Variants in KCNC4 observed in about 807,000 individuals in gnomAD.
The protein encoded by KCNC4 is potassium voltage-gated channel subfamily C member 4.
KCNC4 carries 23 observed loss-of-function variants against 42.8 expected under a neutral mutation model. The ratio of observed to expected loss-of-function variants is 0.54; its 90% confidence interval spans 0.39 to 0.76. The LOEUF is 0.76. Among genes scored for constraint, KCNC4 ranks in the 30% least tolerant of loss-of-function variants. The probability of loss-of-function intolerance (pLI) is 0.00; values close to 1 mark genes in which losing one functional copy is unlikely to be tolerated. For synonymous variants in KCNC4, 422 were observed against 393.5 expected, an observed-to-expected ratio of 1.07 and a Z score of -0.86; for missense variants, 751 against 898.2, an observed-to-expected ratio of 0.84 and a Z score of 2.10.
At chr1:110,226,995 C>G (rs1658431522) in intron 3 of KCNC4, among the ~76,000 whole-genome samples, 1 of 152,188 alleles carries the variant, frequency 6.6e-6, no homozygotes, top group African/African-American at 2.4e-5. Flanking sequence ...GGTCTTAGGA[C>G]CAGGCCCTCC....
intron 2 of KCNC4, chr1:110,224,470 A>G (rs543587931): frequency 6.5e-6 from 1 of 154,210 alleles, no homozygotes; most frequent in East Asian, 1.9e-4. Context: ...TGATAACGTA[A>G]TAGCAGTGGG....
At chr1:110,250,762 C>T (rs1659236587), downstream of KCNC4, among the ~76,000 whole-genome samples, 3 of 152,122 alleles carry the variant, frequency 2.0e-5, no homozygotes, top group South Asian at 6.2e-4. Context: ...GAAAGGAAGA[C>T]CCCCTACACA....
intron 1 of KCNC4, chr1:110,219,673 C>A (rs1371654706): frequency 6.6e-6 from 1 of 152,194 alleles, no homozygotes; most frequent in African/African-American, 2.4e-5. Flanking sequence ...GCAACCACCT[C>A]TTCTTCCCTT....
At chr1:110,264,092 C>G (rs1659499775) in intron 1 of KCNC4, among the ~76,000 whole-genome samples, 1 of 152,132 alleles carries the variant, frequency 6.6e-6, no homozygotes, top group Non-Finnish European at 1.5e-5. Flanking sequence ...GACATTGGGA[C>G]TGCAATGAAA....
Position 110,233,338 on chromosome 1 carries a change from G to A in KCNC4, c.*366G>A, listed in dbSNP as rs1312188883. 6.0e-6 allele frequency: 2 copies of A among 333,500 alleles called. No individual in the cohort carries two copies. The highest frequency in any genetic ancestry group is 4.6e-5 in the Admixed American group (1 of 21,824). 20.7% of individuals were successfully genotyped at this position (333,500 alleles called of 1,614,324 possible). ...CTGATTTCTGTTGTTTCTGCTGACTGTGTGGGTGGAATGTCCCAAGAAAAG... is the reference window on the plus strand; with the variant it reads ...CTGATTTCTGTTGTTTCTGCTGACTATGTGGGTGGAATGTCCCAAGAAAAG... On this transcript the variant is annotated 3_prime_UTR_variant, in exon 4 of 4. Transcript: ENST00000438661.
chr1:110,273,190 G>A (rs1659664612), intron 1 of KCNC4, among the ~76,000 whole-genome samples: 1 of 152,204 alleles, frequency 6.6e-6, no homozygotes, highest in African/African-American at 2.4e-5. Flanking sequence ...TTGACCTGGT[G>A]TGGTCCCTAG....
chr1:110,215,600 G>C (rs1657754830), intron 1 of KCNC4, among the ~76,000 whole-genome samples: 1 of 152,170 alleles, frequency 6.6e-6, no homozygotes, highest in South Asian at 2.1e-4. Context: ...TTCCTGTGAT[G>C]TTTCCCTTTT....
intron 1 of KCNC4, among the ~76,000 whole-genome samples, chr1:110,267,508 C>A (rs1233209655): frequency 6.6e-6 from 1 of 152,156 alleles, no homozygotes; most frequent in African/African-American, 2.4e-5. Context: ...CATGAACACA[C>A]TCCTAAGTAC....
At chr1:110,272,390 C>T (rs992847141) in intron 1 of KCNC4, 7 of 152,182 alleles carry the variant, frequency 4.6e-5, no homozygotes, top group Admixed American at 1.3e-4. Flanking sequence ...CTTGAACAAG[C>T]TGCAGAGAGA....
At chr1:110,280,076 C>G (rs191511388) in intron 1 of KCNC4, among the ~76,000 whole-genome samples, 1 of 152,038 alleles carries the variant, frequency 6.6e-6, no homozygotes, top group Non-Finnish European at 1.5e-5. Flanking sequence ...CCACCGCACC[C>G]GGCTGGAATG....
At chr1:110,267,644 A>G (rs1402480020) in intron 1 of KCNC4, among the ~76,000 whole-genome samples, 2 of 152,164 alleles carry the variant, frequency 1.3e-5, no homozygotes, top group Non-Finnish European at 2.9e-5. Context: ...GAACCTCTAC[A>G]TTCTGTCATT....
Position 110,225,978 on chromosome 1 carries a change from CTA to C in KCNC4, c.1620_1621del (p.Lys541AlafsTer11). The stretch of plus-strand genomic sequence containing the variant: ...CCTTTCTGTGTGCCCCCTTCAGACT[CTA>C]AGCAGAATGGCGATGCCAACGCAGT... On this transcript the variant is annotated frameshift_variant, in exon 3 of 4. Coordinates refer to ENST00000438661, the MANE Select transcript of KCNC4 (RefSeq NM_001039574.3). LOFTEE classifies it high-confidence loss of function. The C allele has an allele frequency of 6.3e-7, 1 of 1,590,698 alleles. No homozygotes were observed. Among genetic ancestry groups the C allele is most frequent in the Non-Finnish European group, 8.6e-7 (1 of 1,165,296 alleles).
At chr1:110,269,279 A>G (rs1190189374) in intron 1 of KCNC4, among the ~76,000 whole-genome samples, 1 of 152,204 alleles carries the variant, frequency 6.6e-6, no homozygotes, top group Non-Finnish European at 1.5e-5. Context: ...CAAGATACAG[A>G]ACAATTCCAT....
At chr1:110,214,612 TA>T (rs1557852383) in intron 1 of KCNC4, among the ~76,000 whole-genome samples, 1 of 152,216 alleles carries the variant, frequency 6.6e-6, no homozygotes, top group Non-Finnish European at 1.5e-5. Flanking sequence ...TGTGAGAAGG[TA>T]AACAACTTGC....
At chr1:110,275,167 A>G (rs1659695464) in intron 1 of KCNC4, among the ~76,000 whole-genome samples, 1 of 152,192 alleles carries the variant, frequency 6.6e-6, no homozygotes, top group Admixed American at 6.5e-5. Context: ...CAAAAGCAAA[A>G]AACAAATAAC....
In KCNC4 at chr1:110,212,167, G is replaced by T. The variant is rs1046514070; in HGVS notation, c.668G>T (p.Arg223Leu). ...WALFEDPYSS[R>L]AARVVAFASL... ...CTCTTCGAGGATCCCTACTCCTCCC[G>T]GGCCGCTAGGGTGAGTGGCAGGAGC... The change falls in exon 1 of 4, where the codon CGG (arginine) becomes CTG (leucine). Residue 223 changes from arginine to leucine, a missense_variant. This residue lies in a region of KCNC4 where 181 missense variants were observed against 167.3 expected (regional missense o/e 1.08). Transcript: ENST00000438661. 9 of 1,494,066 alleles carry T rather than the reference G, an allele frequency of 6.0e-6. No individual in the cohort carries two copies. The highest frequency in any genetic ancestry group is 7.9e-6 in the Non-Finnish European group (9 of 1,138,900). The allele number at this position is 1,494,066 out of a possible 1,614,324, so 92.6% of individuals were successfully genotyped here. A position where few individuals can be genotyped will look rare whatever the true frequency, so the allele number is the denominator to read the frequency against.
Position 110,225,970 on chromosome 1 carries a change from T to C in KCNC4, c.1616-5T>C. The C allele has an allele frequency of 5.1e-6, 8 of 1,578,638 alleles. No homozygotes were observed. The highest frequency in any genetic ancestry group is 6.9e-6 in the Non-Finnish European group (8 of 1,158,114). The stretch of plus-strand genomic sequence containing the variant: ...TGCAGCCTCCTTTCTGTGTGCCCCC[T>C]TCAGACTCTAAGCAGAATGGCGATG... On this transcript the variant is annotated splice_polypyrimidine_tract_variant and splice_region_variant and intron_variant, in intron 2 of 3. Coordinates refer to ENST00000438661, the MANE Select transcript of KCNC4 (RefSeq NM_001039574.3).
chr1:110,240,841 A>G (rs1035954055), exon 4 of KCNC4: 3 of 152,448 alleles, frequency 2.0e-5, no homozygotes, highest in African/African-American at 7.2e-5. Flanking sequence ...AGTCTGTGCT[A>G]TCCTCTCACC....
chr1:110,224,168 T>C, intron 2 of KCNC4: 1 of 426,220 alleles, frequency 2.3e-6, no homozygotes, highest in Non-Finnish European at 4.2e-6. Context: ...GTATATTAGA[T>C]GCCCTGGTTT....
Sources: allele counts gnomAD v4.1 joint callset (sites outside exome capture counted in the v4.1 genomes callset), GRCh38; gene constraint gnomAD v4.1.1; regional missense constraint gnomAD v4.1.1; transcripts MANE v1.5; gene names NCBI Gene and HGNC (gene_info 2026-07-23, HGNC 2026-07-21).